VIT: variants seen among roughly 807,000 people sequenced by gnomAD.
The protein encoded by VIT is vitrin.
Under a neutral mutation model 78.0 loss-of-function variants are expected in VIT, and 99 were observed. The observed-to-expected ratio is 1.27, with a 90% CI of 1.08 to 1.50. VIT has a LOEUF of 1.50. VIT is among the 40% of genes most tolerant of loss of function. VIT has a pLI of 0.00. For missense variants in VIT, 1,126 were observed against 875.3 expected (o/e 1.29, Z -3.61); for synonymous variants, 374 against 334.3 (o/e 1.12, Z -1.29).
intron 12 of VIT, among the ~76,000 whole-genome samples, chr2:36,798,173 C>G (rs918117181): frequency 6.6e-6 from 1 of 152,094 alleles, no homozygotes; most frequent in African/African-American, 2.4e-5. Context: ...TCAAGTTTAG[C>G]AATGGGAATT....
At chr2:36,780,882 G>A (rs527459112) in intron 9 of VIT, among the ~76,000 whole-genome samples, 1 of 152,062 alleles carries the variant, frequency 6.6e-6, no homozygotes, top group Admixed American at 6.5e-5. Context: ...GAAAGAAAGG[G>A]AAACAGCCAT....
chr2:36,700,657 A>C (rs538602885), intron 1 of VIT, among the ~76,000 whole-genome samples: 35 of 152,192 alleles, frequency 2.3e-4, no homozygotes, highest in Admixed American at 3.9e-4. Context: ...CAGGAAGATA[A>C]CTTGAGCCCA....
chr2:36,783,851 C>T (rs894661163), intron 11 of VIT, among the ~76,000 whole-genome samples: 2 of 152,052 alleles, frequency 1.3e-5, no homozygotes, highest in African/African-American at 4.8e-5. Flanking sequence ...ATGAGTTGAG[C>T]GACTAGGTAA....
intron 1 of VIT, among the ~76,000 whole-genome samples, chr2:36,700,779 G>A (rs1665005391): frequency 6.6e-6 from 1 of 151,934 alleles, no homozygotes; most frequent in Non-Finnish European, 1.5e-5. Context: ...AACACTTCCA[G>A]AGCTATTCTT....
At chr2:36,774,261 A>G (rs544835739) in intron 8 of VIT, among the ~76,000 whole-genome samples, 13,952 of 152,220 alleles carry the variant, frequency 0.092, 707 homozygotes, top group Non-Finnish European at 0.11. Context: ...CGGGGGACAG[A>G]AACACATTCT....
intron 2 of VIT, among the ~76,000 whole-genome samples, chr2:36,718,799 T>C (rs947120952): frequency 6.6e-6 from 1 of 152,170 alleles, no homozygotes; most frequent in African/African-American, 2.4e-5. Flanking sequence ...GCCTCTACAA[T>C]TGCTGTATAT....
rs144038432 is a variant in VIT at position 36,781,838 on chromosome 2, T to C, written c.847+67T>C. 1.3e-3 allele frequency: 2,014 copies of C among 1,584,588 alleles called. 18 individuals carry two copies. In the East Asian group the frequency reaches 0.021, roughly 16 times the overall value. On this transcript the variant is annotated intron_variant, in intron 10 of 15. Transcript: ENST00000379242. The stretch of plus-strand genomic sequence containing the variant: ...ATGCGCAGGATAGCAGAACTAAGAG[T>C]CTAATAATCCAGCTGGCATAGCGGC...
At chr2:36,797,950 G>T (rs770933375) in intron 12 of VIT, among the ~76,000 whole-genome samples, 2 of 152,150 alleles carry the variant, frequency 1.3e-5, no homozygotes, top group Non-Finnish European at 2.9e-5. Flanking sequence ...GAGATGGGTC[G>T]CTGAGCTTGG....
At chr2:36,709,316 G>A (rs958950540) in intron 1 of VIT, among the ~76,000 whole-genome samples, 3 of 152,180 alleles carry the variant, frequency 2.0e-5, no homozygotes, top group Non-Finnish European at 4.4e-5. Flanking sequence ...GCCTTGGAAA[G>A]TCCGTAACCT....
chr2:36,776,981 T>C (rs36160910), intron 9 of VIT, among the ~76,000 whole-genome samples: 206 of 146,026 alleles, frequency 1.4e-3, no homozygotes, highest in East Asian at 3.9e-3. Context: ...CCCAGCTACT[T>C]GGGAGGCTGA....
chr2:36,798,039 A>T (rs555689013), intron 12 of VIT, among the ~76,000 whole-genome samples: 1 of 152,306 alleles, frequency 6.6e-6, no homozygotes, highest in African/African-American at 2.4e-5. Context: ...GGAAAGGGTG[A>T]ACAGTTCATT....
chr2:36,768,108 G>A (rs776310619), intron 7 of VIT, among the ~76,000 whole-genome samples: 5 of 152,156 alleles, frequency 3.3e-5, no homozygotes, highest in Non-Finnish European at 5.9e-5. Context: ...GCAGAGGCCA[G>A]CTACCTACCT....
chr2:36,736,835 C>T lies in VIT; in HGVS notation c.119-6265C>T, dbSNP rs548426767. The stretch of plus-strand genomic sequence containing the variant: ...CAATGGGGTTGTGTTTTCATAAGTC[C>T]ATAGTAAGTCACAAATGCATTTAAT... On this transcript the variant is annotated intron_variant, in intron 3 of 15. Coordinates refer to ENST00000379242, the MANE Select transcript of VIT (RefSeq NM_053276.4). Among the ~76,000 whole-genome samples the T allele has an allele frequency of 6.6e-5, 10 of 152,272 alleles. No homozygotes were observed. The South Asian group carries it at 2.1e-3, about 32-fold the overall frequency.
At chr2:36,785,578 G>A (rs1357555306) in intron 11 of VIT, among the ~76,000 whole-genome samples, 2 of 152,134 alleles carry the variant, frequency 1.3e-5, no homozygotes, top group Non-Finnish European at 2.9e-5. Flanking sequence ...TTGGGTATAG[G>A]CAGTTTGGGG....
chr2:36,810,164 G>A (rs1376294378), intron 15 of VIT, among the ~76,000 whole-genome samples: 3 of 152,088 alleles, frequency 2.0e-5, no homozygotes, highest in Admixed American at 1.3e-4. Flanking sequence ...GGAGGCACAC[G>A]CCTGTAATCC....
At chr2:36,795,269 A>G (rs1022327606) in intron 12 of VIT, among the ~76,000 whole-genome samples, 1 of 152,056 alleles carries the variant, frequency 6.6e-6, no homozygotes, top group African/African-American at 2.4e-5. Flanking sequence ...GGATATGTGT[A>G]GAGGTGGGGA....
intron 1 of VIT, among the ~76,000 whole-genome samples, chr2:36,699,382 TGAA>T (rs1573092144): frequency 1.3e-5 from 2 of 152,196 alleles, no homozygotes; most frequent in African/African-American, 2.4e-5. Context: ...CATTGCTAAA[TGAA>T]GAAGTATCGA....
rs144217726 is a variant in VIT at position 36,753,025 on chromosome 2, C to A, written c.276-1896C>A. Among the ~76,000 whole-genome samples the A allele has an allele frequency of 2.8e-3, 425 of 152,218 alleles. 7 individuals carry two copies. In the East Asian group the frequency reaches 0.053, roughly 19 times the overall value. On this transcript the variant is annotated intron_variant, in intron 4 of 15. Coordinates refer to ENST00000379242, the MANE Select transcript of VIT (RefSeq NM_053276.4). ...ATATACACCATGGAATACTATGCAGCCATAAAAGGAATGAGATCATGTCCT... is the reference window on the plus strand; with the variant it reads ...ATATACACCATGGAATACTATGCAGACATAAAAGGAATGAGATCATGTCCT...
At chr2:36,711,807 G>T (rs1207634847) in intron 1 of VIT, among the ~76,000 whole-genome samples, 1 of 152,218 alleles carries the variant, frequency 6.6e-6, no homozygotes, top group Non-Finnish European at 1.5e-5. Context: ...ACTGTGGGCA[G>T]AAAGAGAGAT....
Sources: allele counts gnomAD v4.1 joint callset (sites outside exome capture counted in the v4.1 genomes callset), GRCh38; gene constraint gnomAD v4.1.1; transcripts MANE v1.5; gene names NCBI Gene and HGNC (gene_info 2026-07-23, HGNC 2026-07-21).